Variants in ASTN2 observed in about 807,000 individuals in gnomAD.
ASTN2 encodes the protein astrotactin 2.
In ASTN2, 54 loss-of-function variants were observed where a neutral mutation model predicts 139.8. The ratio of observed to expected loss-of-function variants is 0.39; its 90% CI spans 0.31 to 0.48. The LOEUF is 0.48. Among genes scored for constraint, ASTN2 ranks in the 20% least tolerant of loss-of-function variants. The pLI, the probability that ASTN2 is intolerant of heterozygous loss-of-function variation, is 0.95. For missense variants in ASTN2, 1,565 were observed against 1,725.1 expected (o/e 0.91, Z 1.64); for synonymous variants, 756 against 719.5 (o/e 1.05, Z -0.81).
At chr9:117,062,637 A>G (rs1432959991) in intron 5 of ASTN2, among the ~76,000 whole-genome samples, 1 of 152,186 alleles carries the variant, frequency 6.6e-6, no homozygotes, top group Non-Finnish European at 1.5e-5. Flanking sequence ...GCCCTTAGCC[A>G]TGCCCTTGAG....
At chr9:116,976,829 C>T (rs758764894) in intron 7 of ASTN2, 44 bp from the exon 8 acceptor site, 6 of 1,561,436 alleles carry the variant, frequency 3.8e-6, no homozygotes, top group Non-Finnish European at 5.3e-6. Context: ...TAGAGTCTCC[C>T]CAAATAGGCT....
intron 17 of ASTN2, among the ~76,000 whole-genome samples, chr9:116,629,821 A>T (rs930880063): frequency 6.6e-6 from 1 of 152,104 alleles, no homozygotes; most frequent in Admixed American, 6.5e-5. Context: ...CTATTGCCAC[A>T]CTTACCTCTG....
chr9:117,226,232 G>T (rs1832708120), intron 2 of ASTN2, among the ~76,000 whole-genome samples: 1 of 152,226 alleles, frequency 6.6e-6, no homozygotes. Flanking sequence ...AAACTGTGTA[G>T]TGGTTAATGG....
intron 5 of ASTN2, among the ~76,000 whole-genome samples, chr9:117,088,832 C>A (rs1323046720): frequency 6.6e-6 from 1 of 152,112 alleles, no homozygotes; most frequent in Non-Finnish European, 1.5e-5. Context: ...ACAGATGCAC[C>A]CAAACCCATA....
intron 1 of ASTN2, among the ~76,000 whole-genome samples, chr9:117,370,003 C>A (rs547496386): frequency 3.3e-5 from 5 of 152,126 alleles, no homozygotes; most frequent in South Asian, 2.1e-4. Context: ...AAGCGATGAG[C>A]GGGAAGCTAC....
chr9:116,629,742 G>A (rs1020780881), intron 17 of ASTN2, among the ~76,000 whole-genome samples: 4 of 152,282 alleles, frequency 2.6e-5, no homozygotes, highest in South Asian at 2.1e-4. Flanking sequence ...TCTGAATGAT[G>A]AGAGCCCGAC....
In ASTN2 at chr9:117,414,801, C is replaced by T. The variant is rs1465899934; in HGVS notation, c.138G>A (p.Pro46=). 8.2e-7 allele frequency: 1 copy of T among 1,219,762 alleles called. No homozygotes were observed. 75.6% of individuals were successfully genotyped at this position (1,219,762 alleles called of 1,614,324 possible). Residue 46 remains proline, a synonymous_variant, in exon 1 of 23, where the codon CCG becomes CCA. Coordinates refer to ENST00000313400, the MANE Select transcript of ASTN2 (RefSeq NM_001365068.1). This position sits in a 1 kb window ranked among gnomAD's most constrained non-coding sequence, Gnocchi z 4.2. ...LLFLLLLPPP[P]LLAGATAAAS... is the part of the protein sequence containing the mutation. ...CAGCGGCGGTGGCGCCGGCCAGCAG[C>T]GGCGGCGGCGGCAGCAGGAGCAGGA... is the stretch of plus-strand genomic sequence containing the variant.
intron 1 of ASTN2, among the ~76,000 whole-genome samples, chr9:117,304,525 G>A (rs1057491677): frequency 1.3e-5 from 2 of 152,140 alleles, no homozygotes; most frequent in African/African-American, 4.8e-5. Context: ...GAGGGATCCT[G>A]CCGTATTTCC....
intron 19 of ASTN2, among the ~76,000 whole-genome samples, chr9:116,540,948 C>T (rs1564355897): frequency 6.7e-6 from 1 of 150,050 alleles, no homozygotes; most frequent in East Asian, 2.0e-4. Context: ...AAAATTTTTA[C>T]AAAAGTTTTT....
intron 4 of ASTN2, among the ~76,000 whole-genome samples, chr9:117,139,242 C>T (rs888135754): frequency 3.9e-5 from 6 of 152,238 alleles, no homozygotes; most frequent in Admixed American, 3.3e-4. Context: ...TTCCCTGATG[C>T]ATGCCATCTG....
intron 2 of ASTN2, among the ~76,000 whole-genome samples, chr9:117,258,992 G>C (rs544565808): frequency 6.6e-6 from 1 of 152,296 alleles, no homozygotes; most frequent in Admixed American, 6.5e-5. Flanking sequence ...GACATTTCAA[G>C]TTTCTGACTC....
chr9:117,024,098 T>A (rs955872164), intron 6 of ASTN2, among the ~76,000 whole-genome samples: 6 of 151,990 alleles, frequency 3.9e-5, no homozygotes, highest in African/African-American at 1.5e-4. Flanking sequence ...CTCAAACGAG[T>A]TCTTCAAGGT....
At chr9:117,339,320 G>A (rs776938188) in intron 1 of ASTN2, among the ~76,000 whole-genome samples, 3 of 152,036 alleles carry the variant, frequency 2.0e-5, no homozygotes, top group African/African-American at 4.8e-5. Context: ...ATGCCACACC[G>A]CATTGGAGCT....
At position 116,916,726 on chromosome 9, in the gene ASTN2, G is replaced by C. The variant is rs1430355804; in HGVS notation, c.1890-52993C>G. Among the ~76,000 whole-genome samples, 5 of 152,146 alleles carry C rather than the reference G, an allele frequency of 3.3e-5. No homozygotes were observed. In the East Asian group the frequency reaches 7.7e-4, roughly 23 times the overall value. On this transcript the variant is annotated intron_variant, in intron 10 of 22. Transcript: ENST00000313400. ...GTGGTGGTGTGTGCCTGTGGCCCCA[G>C]CTACTTGGGAGGCTGAGATTGCTTG...
intron 16 of ASTN2, among the ~76,000 whole-genome samples, chr9:116,658,544 CCAGA>C (rs1273625741): frequency 1.3e-5 from 2 of 152,034 alleles, no homozygotes; most frequent in African/African-American, 4.8e-5. Flanking sequence ...ATCACTGAAG[CCAGA>C]CAAAGAGAAA....
At chr9:116,515,883 T>A (rs1020503617) in intron 19 of ASTN2, among the ~76,000 whole-genome samples, 8 of 152,190 alleles carry the variant, frequency 5.3e-5, no homozygotes, top group Non-Finnish European at 7.3e-5. Flanking sequence ...TTATCATGCA[T>A]CAGAATCACC....
In ASTN2 at chr9:117,180,998, C is replaced by T. The variant is rs766601263; in HGVS notation, c.1015+33360G>A. The T allele has an allele frequency of 8.8e-6, 14 of 1,595,914 alleles. No individual in the cohort carries two copies. In the East Asian group the frequency reaches 8.9e-5, roughly 10 times the overall value. The stretch of plus-strand genomic sequence containing the variant: ...GTGCCCTGGGGCTTTCCAAAGGCAC[C>T]TCGCATGCCTGTTTGGAGCCTGCAC... On this transcript the variant is annotated intron_variant, in intron 3 of 22. Coordinates refer to ENST00000313400, the MANE Select transcript of ASTN2 (RefSeq NM_001365068.1).
In ASTN2 at chr9:117,008,083, A is replaced by G; in HGVS notation, c.1591+9T>C. 6.3e-7 allele frequency: 1 copy of G among 1,582,004 alleles called. No individual in the cohort carries two copies. Among genetic ancestry groups the G allele is most frequent in the East Asian group, 2.3e-5 (1 of 42,968 alleles). On this transcript the variant is annotated intron_variant, in intron 7 of 22. Coordinates refer to ENST00000313400, the MANE Select transcript of ASTN2 (RefSeq NM_001365068.1). ...ACCTTCTATCCCCATCCCGGCTCCC[A>G]TGGCTCACCGGTTTCTGGGTCGCAG...
intron 20 of ASTN2, among the ~76,000 whole-genome samples, chr9:116,477,941 T>C (rs1188186040): frequency 6.7e-6 from 1 of 148,662 alleles, no homozygotes; most frequent in Admixed American, 6.7e-5. Flanking sequence ...AGGGAAGTAG[T>C]GTCCATGACC....
Sources: gnomAD v4.1 joint callset for allele counts (sites outside exome capture counted in the v4.1 genomes callset) on GRCh38, gnomAD v4.1.1 for gene constraint, Gnocchi (gnomAD v3.1) non-coding constraint, MANE v1.5 for transcripts, NCBI Gene and HGNC (gene_info 2026-07-23, HGNC 2026-07-21) for gene names.